The following BBS9 variants were observed in gnomAD, a reference collection of about 807,000 sequenced individuals.
BBS9 encodes the protein protein PTHB1.
A neutral mutation model predicts 117.7 loss-of-function variants in BBS9; 89 were observed. The observed-to-expected ratio is 0.76, with a 90% confidence interval of 0.64 to 0.90. The LOEUF is 0.90. BBS9 is among the 40% of genes least tolerant of loss of function. The pLI, the probability that BBS9 is intolerant of heterozygous loss-of-function variation, is 0.00. For synonymous variants in BBS9, 379 were observed against 370.9 expected (o/e 1.02, Z -0.25); for missense variants, 982 against 1,042.2 (o/e 0.94, Z 0.80).
chr7:33,342,062 A>G (rs1197946241), intron 11 of BBS9, among the ~76,000 whole-genome samples: 1 of 151,980 alleles, frequency 6.6e-6, no homozygotes, highest in Non-Finnish European at 1.5e-5. Context: ...TCTGCTTGGG[A>G]AGTGTCTTCA....
chr7:33,377,317 A>G (rs1378638578), intron 17 of BBS9, among the ~76,000 whole-genome samples: 3 of 152,044 alleles, frequency 2.0e-5, no homozygotes, highest in African/African-American at 7.2e-5. Flanking sequence ...TTTGTTGAAG[A>G]TTAGATGGTT....
intron 5 of BBS9, among the ~76,000 whole-genome samples, chr7:33,220,895 A>G (rs1790118015): frequency 6.6e-6 from 1 of 152,270 alleles, no homozygotes; most frequent in East Asian, 1.9e-4. Context: ...ATCATGTTAT[A>G]TGGTTTTAAT....
intron 18 of BBS9, among the ~76,000 whole-genome samples, chr7:33,386,970 C>CT (rs988183735): frequency 1.3e-5 from 2 of 151,682 alleles, no homozygotes; most frequent in Admixed American, 1.3e-4. Flanking sequence ...ATATAGGTTT[C>CT]TTTTTTTTAA....
At chr7:33,536,836 T>G (rs531759583) in intron 21 of BBS9, among the ~76,000 whole-genome samples, 3 of 151,896 alleles carry the variant, frequency 2.0e-5, no homozygotes, top group African/African-American at 7.3e-5. Flanking sequence ...TTAATTTTTA[T>G]TATGTCCAAA....
chr7:33,510,474 G>T (rs1489924231), intron 20 of BBS9, among the ~76,000 whole-genome samples: 2 of 151,954 alleles, frequency 1.3e-5, no homozygotes, highest in East Asian at 3.9e-4. Context: ...CTTCAGGATG[G>T]CCTGATAGGA....
At position 33,423,393 on chromosome 7, in the gene BBS9, GGGGTGT is replaced by G. The variant is rs1440500266; in HGVS notation, c.2115+35251_2115+35256del. The stretch of plus-strand genomic sequence containing the variant: ...TTTTAAAATGAAAATGTATACCTTG[GGGGTGT>G]GTGTGTGTGTGTGTGTTTCTAGCTA... On this transcript the variant is annotated intron_variant, in intron 19 of 22. Transcript: ENST00000242067. 2.0e-5 allele frequency among the ~76,000 whole-genome samples: 3 copies of G among 150,756 alleles called. 1 individual carries two copies. The highest frequency in any genetic ancestry group is 4.3e-4 in the South Asian group (2 of 4,676).
intron 19 of BBS9, among the ~76,000 whole-genome samples, chr7:33,479,683 C>G (rs906363781): frequency 6.6e-6 from 1 of 152,216 alleles, no homozygotes; most frequent in Non-Finnish European, 1.5e-5. Flanking sequence ...AATCTCCAAA[C>G]TGCTCTCCAC....
intron 5 of BBS9, among the ~76,000 whole-genome samples, chr7:33,215,404 C>T (rs1423955932): frequency 1.3e-5 from 2 of 152,216 alleles, no homozygotes; most frequent in Admixed American, 6.5e-5. Context: ...GAAACAGTCT[C>T]TTCAATAAAT....
chr7:33,373,029 T>C (rs1156413457), intron 17 of BBS9, among the ~76,000 whole-genome samples: 5 of 151,640 alleles, frequency 3.3e-5, no homozygotes, highest in Non-Finnish European at 7.4e-5. Context: ...TCTTCCTTCT[T>C]TTTTTTTAGT....
At chr7:33,554,371 G>A (rs1443347600) in intron 21 of BBS9, among the ~76,000 whole-genome samples, 4 of 152,174 alleles carry the variant, frequency 2.6e-5, no homozygotes, top group Admixed American at 2.0e-4. Flanking sequence ...TTGTAGAAAT[G>A]TAGGCAAGAG....
chr7:33,230,341 A>G (rs1792110146), intron 5 of BBS9, among the ~76,000 whole-genome samples: 2 of 152,076 alleles, frequency 1.3e-5, no homozygotes, highest in Non-Finnish European at 2.9e-5. Context: ...AATGTCCAGG[A>G]GCTTTCCCAC....
Position 33,605,315 on chromosome 7 carries a change from G to A in BBS9, c.*89G>A. 7.1e-7 allele frequency: 1 copy of A among 1,399,118 alleles called. No individual in the cohort carries two copies. The allele number at this position is 1,399,118 out of a possible 1,614,324, so 86.7% of individuals were successfully genotyped here. A position where few individuals can be genotyped will look rare whatever the true frequency, so the allele number is the denominator to read the frequency against. On this transcript the variant is annotated 3_prime_UTR_variant, in exon 23 of 23. Transcript: ENST00000242067. ...CATGCCAAGCACAGATATAGGGCTG[G>A]CGCAGGTGCTTCCTAAAGCTCACCT...
At chr7:33,481,364 A>T (rs1842491226) in intron 19 of BBS9, among the ~76,000 whole-genome samples, 1 of 152,186 alleles carries the variant, frequency 6.6e-6, no homozygotes, top group South Asian at 2.1e-4. Context: ...TTATTAAATT[A>T]CTCCATAGCA....
chr7:33,573,903 T>A (rs1320772277), intron 21 of BBS9, among the ~76,000 whole-genome samples: 1 of 152,100 alleles, frequency 6.6e-6, no homozygotes, highest in African/African-American at 2.4e-5. Flanking sequence ...ACAAGGCTAT[T>A]TGCACCTAGC....
chr7:33,548,453 C>G (rs899969234), intron 21 of BBS9, among the ~76,000 whole-genome samples: 1 of 150,704 alleles, frequency 6.6e-6, no homozygotes, highest in African/African-American at 2.4e-5. Flanking sequence ...CCCACTAACT[C>G]GTCATCTAGC....
chr7:33,577,153 A>G (rs1235617488), intron 21 of BBS9, among the ~76,000 whole-genome samples: 3 of 152,216 alleles, frequency 2.0e-5, no homozygotes, highest in Admixed American at 2.0e-4. Flanking sequence ...CAATTTACCC[A>G]TCTGACAAAG....
chr7:33,182,168 C>T (rs1285936475), intron 5 of BBS9, among the ~76,000 whole-genome samples: 1 of 152,182 alleles, frequency 6.6e-6, no homozygotes, highest in East Asian at 1.9e-4. Context: ...TCCACATTTC[C>T]ATGCCTTCTT....
rs1811129536 is a variant in BBS9, at chr7:33,319,027, G to T, written c.1017-17414G>T. Among the ~76,000 whole-genome samples the T allele has an allele frequency of 3.3e-5, 5 of 152,086 alleles. No individual in the cohort carries two copies. The South Asian group carries it at 1.0e-3, about 31-fold the overall frequency. On this transcript the variant is annotated intron_variant, in intron 9 of 22. Transcript: ENST00000242067. ...AAAATACAAAAGTTAGCTGGGTATG[G>T]TGGTGGGCACCTGTAATCCCAGCTA...
intron 6 of BBS9, among the ~76,000 whole-genome samples, chr7:33,260,673 C>G (rs1342885184): frequency 6.6e-6 from 1 of 152,192 alleles, no homozygotes; most frequent in Non-Finnish European, 1.5e-5. Flanking sequence ...AATAGACGTG[C>G]CTCTTATCCT....
Sources: gnomAD v4.1 joint callset for allele counts (sites outside exome capture counted in the v4.1 genomes callset) on GRCh38, gnomAD v4.1.1 for gene constraint, MANE v1.5 for transcripts, NCBI Gene and HGNC (gene_info 2026-07-23, HGNC 2026-07-21) for gene names.